The following ADAMTSL1 variants were observed in gnomAD, a reference collection of about 807,000 sequenced individuals.
ADAMTSL1 encodes ADAMTS like 1, also known as ADAMTS-like protein 1.
Under a neutral mutation model 201.8 loss-of-function variants are expected in ADAMTSL1, and 126 were observed. That is an observed-to-expected ratio of 0.62 (90% CI 0.54 to 0.72). The LOEUF is 0.72. Ranked by LOEUF, ADAMTSL1 falls within the 30% of genes least tolerant of loss-of-function variation. The pLI, the probability that ADAMTSL1 is intolerant of heterozygous loss-of-function variation, is 0.00. For synonymous variants in ADAMTSL1, 1,121 were observed against 903.4 expected (o/e 1.24, Z -4.32); for missense variants, 2,679 against 2,277.8 (o/e 1.18, Z -3.59).
chr9:18,403,911 G>A (rs1007900071), intron 2 of ADAMTSL1, among the ~76,000 whole-genome samples: 1 of 152,132 alleles, frequency 6.6e-6, no homozygotes, highest in Non-Finnish European at 1.5e-5. Flanking sequence ...GGTTGGGGGA[G>A]GGCAGGGGTT....
intron 1 of ADAMTSL1, among the ~76,000 whole-genome samples, chr9:18,149,987 T>C (rs1310598390): frequency 3.1e-4 from 47 of 152,078 alleles, no homozygotes; most frequent in Admixed American, 3.1e-3. Flanking sequence ...ACAGAGTTTG[T>C]AGAAGCAAGA....
chr9:18,588,884 C>CATATATATATATATATATATATATAT lies in ADAMTSL1; in HGVS notation c.474+14637_474+14638insTATATATATATATATATATATATATA, dbSNP rs754566534. 5.5e-3 allele frequency among the ~76,000 whole-genome samples: 677 copies of CATATATATATATATATATATATATAT among 122,484 alleles called. 12 individuals carry two copies. The highest frequency in any genetic ancestry group is 8.7e-3 in the Non-Finnish European group (489 of 56,460). The allele number at this position is 122,484 out of a possible 152,430, so 80.4% of individuals were successfully genotyped here. ...GCTTTGTGCCATATATATACATATA[C>CATATATATATATATATATATATATAT]ATATATATATATATATATACATATA... On this transcript the variant is annotated intron_variant, in intron 4 of 28. Transcript: ENST00000380548.
At chr9:18,382,740 T>C (rs1837611503) in intron 2 of ADAMTSL1, among the ~76,000 whole-genome samples, 1 of 152,126 alleles carries the variant, frequency 6.6e-6, no homozygotes, top group Non-Finnish European at 1.5e-5. Context: ...GTACTTCTTG[T>C]GGTTTTCTTG....
chr9:18,113,525 A>G (rs944005394), intron 1 of ADAMTSL1, among the ~76,000 whole-genome samples: 2 of 152,124 alleles, frequency 1.3e-5, no homozygotes, highest in African/African-American at 4.8e-5. Context: ...TAGAGCAGAA[A>G]GAAAAAAGCA....
In ADAMTSL1 at chr9:18,587,769, T is replaced by G. The variant is rs376920522; in HGVS notation, c.474+13503T>G. On this transcript the variant is annotated intron_variant, in intron 4 of 28. Transcript: ENST00000380548. ...TCTGTGCCTGGTTTATTTCACTTAA[T>G]GACCTCCAGTTCCATCCATATTGCT... Among the ~76,000 whole-genome samples the G allele has an allele frequency of 1.6e-3, 248 of 152,336 alleles. 6 individuals carry two copies. In the South Asian group the frequency reaches 0.048, roughly 30 times the overall value.
intron 2 of ADAMTSL1, among the ~76,000 whole-genome samples, chr9:18,386,219 C>T (rs1050472923): frequency 1.3e-5 from 2 of 152,122 alleles, no homozygotes; most frequent in Non-Finnish European, 2.9e-5. Context: ...TGAAAATATA[C>T]TGTTGGTTCA....
chr9:18,823,703 T>G (rs1292065126), intron 21 of ADAMTSL1, among the ~76,000 whole-genome samples: 3 of 152,112 alleles, frequency 2.0e-5, no homozygotes, highest in Non-Finnish European at 4.4e-5. Flanking sequence ...GAAAATGGTT[T>G]GCAGGGCCGG....
chr9:18,743,791 C>T (rs1348508689), intron 15 of ADAMTSL1, among the ~76,000 whole-genome samples: 3 of 152,288 alleles, frequency 2.0e-5, no homozygotes, highest in Middle Eastern at 6.8e-3. Context: ...TGTCTAATAT[C>T]TCCTTTGATC....
At chr9:18,374,147 T>C (rs1449877623) in intron 2 of ADAMTSL1, among the ~76,000 whole-genome samples, 1 of 152,140 alleles carries the variant, frequency 6.6e-6, no homozygotes, top group Non-Finnish European at 1.5e-5. Flanking sequence ...ATGAGCCTAA[T>C]AGGCAGCACA....
At chr9:18,474,408 C>T in intron 1 of ADAMTSL1, 113 bp downstream of exon 1, 1 of 1,055,676 alleles carries the variant, frequency 9.5e-7, no homozygotes, top group Non-Finnish European at 1.4e-6. Flanking sequence ...TCTTAAAACT[C>T]CAGGTAAAAT....
intron 2 of ADAMTSL1, among the ~76,000 whole-genome samples, chr9:18,377,004 C>G (rs1228022532): frequency 6.6e-6 from 1 of 152,180 alleles, no homozygotes; most frequent in Non-Finnish European, 1.5e-5. Context: ...GATTCAAGAG[C>G]AGAGCAACCA....
intron 2 of ADAMTSL1, among the ~76,000 whole-genome samples, chr9:18,383,755 C>A (rs913610825): frequency 1.3e-5 from 2 of 152,164 alleles, no homozygotes; most frequent in Non-Finnish European, 2.9e-5. Flanking sequence ...TTTCTTCCAG[C>A]CAGTTAGAAC....
At chr9:18,204,631 C>G (rs1003862800) in intron 2 of ADAMTSL1, among the ~76,000 whole-genome samples, 2 of 152,096 alleles carry the variant, frequency 1.3e-5, no homozygotes, top group African/African-American at 4.8e-5. Context: ...ACCCTGCTCA[C>G]TATAATACCA....
At chr9:18,311,925 G>A (rs1300473275) in intron 2 of ADAMTSL1, among the ~76,000 whole-genome samples, 2 of 152,192 alleles carry the variant, frequency 1.3e-5, no homozygotes, top group African/African-American at 4.8e-5. Context: ...GTATCCCAGG[G>A]AGAGGACAGC....
intron 4 of ADAMTSL1, among the ~76,000 whole-genome samples, chr9:18,607,423 A>G (rs985329738): frequency 6.6e-6 from 1 of 152,300 alleles, no homozygotes; most frequent in Admixed American, 6.5e-5. Flanking sequence ...GGGACTTTTC[A>G]ATTTAGATTC....
chr9:18,780,117 C>A (rs1821300112), intron 19 of ADAMTSL1, among the ~76,000 whole-genome samples: 1 of 152,126 alleles, frequency 6.6e-6, no homozygotes, highest in Non-Finnish European at 1.5e-5. Flanking sequence ...GTGTTGGAGA[C>A]TTTTTATGAA....
intron 1 of ADAMTSL1, among the ~76,000 whole-genome samples, chr9:18,060,139 A>G (rs1023947598): frequency 6.6e-6 from 1 of 152,160 alleles, no homozygotes; most frequent in Non-Finnish European, 1.5e-5. Flanking sequence ...ATACACACAC[A>G]TTCCACATAT....
intron 2 of ADAMTSL1, among the ~76,000 whole-genome samples, chr9:18,308,791 A>G (rs1272517426): frequency 6.6e-6 from 1 of 152,208 alleles, no homozygotes; most frequent in African/African-American, 2.4e-5. Context: ...TTCTGAAACT[A>G]TTCCAAACAA....
chr9:18,574,736 GA>G, intron 4 of ADAMTSL1, among the ~76,000 whole-genome samples: 1 of 152,156 alleles, frequency 6.6e-6, no homozygotes, highest in South Asian at 2.1e-4. Flanking sequence ...CCATTGTATT[GA>G]AAATTCAGAC....
Sources: allele counts gnomAD v4.1 joint callset (sites outside exome capture counted in the v4.1 genomes callset), GRCh38; gene constraint gnomAD v4.1.1; transcripts MANE v1.5; gene names NCBI Gene and HGNC (gene_info 2026-07-23, HGNC 2026-07-21).